ZNF274: variants seen among roughly 807,000 people sequenced by gnomAD.
ZNF274 encodes zinc finger protein 274, also known as neurotrophin receptor-interacting factor homolog.
In ZNF274, 23 loss-of-function variants were observed where a neutral mutation model predicts 42.5. The observed-to-expected ratio is 0.54, with a 90% CI of 0.39 to 0.77. The LOEUF (loss-of-function observed/expected upper bound fraction) is 0.77. Among genes scored for constraint, ZNF274 ranks in the 30% least tolerant of loss-of-function variants. The pLI is 0.00. For synonymous variants in ZNF274, 292 were observed against 305.4 expected (o/e 0.96, Z 0.46); for missense variants, 679 against 806.5 (o/e 0.84, Z 1.91).
intron 2 of ZNF274, chr19:58,184,983 G>C (rs1373446421): frequency 1.3e-5 from 2 of 151,894 alleles, no homozygotes; most frequent in African/African-American, 4.8e-5. Flanking sequence ...AGCCGGGCGT[G>C]GTGGCGGGCG....
intron 3 of ZNF274, 46 bp from the exon 4 acceptor site, chr19:58,186,898 TCTC>T (rs2075706320): frequency 1.3e-6 from 2 of 1,533,552 alleles, no homozygotes; most frequent in Non-Finnish European, 1.8e-6. Context: ...GATAGCATTT[TCTC>T]CTGAACACAG....
Position 58,212,918 on chromosome 19 carries a change from C to G in ZNF274, c.1737C>G (p.Ser579=). ...CCTTCAATGATCGCTCAGCCATCTC[C>G]CAGCACCTGAGGACTCACACTGGCG... ...GRTFNDRSAI[S]QHLRTHTGAK... is the part of the protein sequence containing the mutation. The change falls in exon 8 of 8, where the codon TCC becomes TCG. Residue 579 remains serine (S), a synonymous_variant. Coordinates refer to ENST00000617501, the MANE Select transcript of ZNF274 (RefSeq NM_133502.3). The surrounding 1 kb of genome is among the most constrained non-coding windows in gnomAD (Gnocchi z 4.6). 1 of 1,614,004 alleles carries G rather than the reference C, an allele frequency of 6.2e-7. No individual in the cohort carries two copies.
chr19:58,211,613 G>A lies in ZNF274; in HGVS notation c.906G>A (p.Gly302=). The change falls in exon 7 of 8, where the codon GGG becomes GGA. Residue 302 remains glycine, a synonymous_variant. Transcript: ENST00000617501. The surrounding 1 kb of genome is among the most constrained non-coding windows in gnomAD (Gnocchi z 4.8). ...VAVDFSREEW[G]LLGPTQRTEY... The stretch of plus-strand genomic sequence containing the variant: ...TGGACTTCAGCCGGGAGGAGTGGGG[G>A]CTGCTGGGCCCGACACAGAGGACCG... The A allele has an allele frequency of 6.2e-7, 1 of 1,613,694 alleles. No individual in the cohort carries two copies. The highest frequency in any genetic ancestry group is 2.2e-5 in the East Asian group (1 of 44,834).
Position 58,206,713 on chromosome 19 carries a change from CT to C in ZNF274, c.257-5del. 4.5e-6 allele frequency: 7 copies of C among 1,558,826 alleles called. No individual in the cohort carries two copies. Among genetic ancestry groups the C allele is most frequent in the Non-Finnish European group, 6.1e-6 (7 of 1,151,238 alleles). On this transcript the variant is annotated splice_polypyrimidine_tract_variant and splice_region_variant and intron_variant, in intron 4 of 7. Transcript: ENST00000617501. ...CTCATTTGTCTTGCTCTGCTTTTGACTTACAGAGTATCCTGAGCTCCAGCTG... is the reference window on the plus strand; with the variant it reads ...CTCATTTGTCTTGCTCTGCTTTTGACTACAGAGTATCCTGAGCTCCAGCTG...
Position 58,213,236 on chromosome 19 carries a change from AG to A in ZNF274, c.*96del. On this transcript the variant is annotated 3_prime_UTR_variant, in exon 8 of 8. Coordinates refer to ENST00000617501, the MANE Select transcript of ZNF274 (RefSeq NM_133502.3). ...CTTGTGAATCAGGACTGAATGTGAA[AG>A]GGAAGTATTGAGTGAGGACATTCCC... is the stretch of plus-strand genomic sequence containing the variant. 6.7e-7 allele frequency: 1 copy of A among 1,481,928 alleles called. No homozygotes were observed. Among genetic ancestry groups the A allele is most frequent in the Non-Finnish European group, 9.0e-7 (1 of 1,116,288 alleles). The allele number at this position is 1,481,928 out of a possible 1,614,324, so 91.8% of individuals were successfully genotyped here. A position where few individuals can be genotyped will look rare whatever the true frequency, so the allele number is the denominator to read the frequency against.
rs765267272 is a variant in ZNF274, at chr19:58,206,973, G to A, written c.510G>A (p.Lys170=). The change falls in exon 5 of 8, where the codon AAG becomes AAA. Residue 170 remains lysine (K), a synonymous_variant. Coordinates refer to ENST00000617501, the MANE Select transcript of ZNF274 (RefSeq NM_133502.3). ...ARQRFRQFRY[K]DMTGPREALD... ...AGAGGTTCCGGCAGTTCCGTTATAA[G>A]GACATGACAGGTCCCCGGGAGGCCC... is the stretch of plus-strand genomic sequence containing the variant. The A allele has an allele frequency of 6.2e-7, 1 of 1,609,774 alleles. No individual in the cohort carries two copies. The highest frequency in any genetic ancestry group is 1.6e-4 in the Middle Eastern group (1 of 6,080).
chr19:58,194,874 G>A (rs1444429029), intron 4 of ZNF274, among the ~76,000 whole-genome samples: 7 of 151,972 alleles, frequency 4.6e-5, no homozygotes, highest in African/African-American at 4.8e-5. Flanking sequence ...GGTGGCGGGC[G>A]CCAGTAGTCC....
chr19:58,188,659 T>TGA, intron 4 of ZNF274, among the ~76,000 whole-genome samples: 1 of 31,774 alleles, frequency 3.1e-5, no homozygotes, highest in South Asian at 7.6e-4. Flanking sequence ...AAAAAATAGA[T>TGA]GTGTGTGTGT....
In ZNF274 at chr19:58,185,857, T is replaced by G; in HGVS notation, c.160+19T>G. 2.2e-6 allele frequency: 3 copies of G among 1,355,086 alleles called. No homozygotes were observed. The highest frequency in any genetic ancestry group is 2.9e-6 in the Non-Finnish European group (3 of 1,042,758). 83.9% of individuals were successfully genotyped at this position (1,355,086 alleles called of 1,614,324 possible). The stretch of plus-strand genomic sequence containing the variant: ...TCAGTGGGTAAGGCTGGCCTCCAGG[T>G]CAAGAAGGATCTGTGCTTTGTAGCA... On this transcript the variant is annotated intron_variant, in intron 3 of 7. Coordinates refer to ENST00000617501, the MANE Select transcript of ZNF274 (RefSeq NM_133502.3).
At chr19:58,197,133 C>G (rs1469282634) in intron 4 of ZNF274, among the ~76,000 whole-genome samples, 2 of 152,168 alleles carry the variant, frequency 1.3e-5, no homozygotes, top group Non-Finnish European at 2.9e-5. Context: ...TAGAGATTAC[C>G]TGAGAACATA....
intron 4 of ZNF274, among the ~76,000 whole-genome samples, chr19:58,196,749 A>G (rs2075847824): frequency 6.6e-6 from 1 of 152,196 alleles, no homozygotes; most frequent in South Asian, 2.1e-4. Context: ...CTTTTATCCA[A>G]GAATAAGATG....
intron 4 of ZNF274, among the ~76,000 whole-genome samples, chr19:58,204,311 G>T (rs550230985): frequency 2.6e-5 from 4 of 152,102 alleles, no homozygotes; most frequent in Non-Finnish European, 5.9e-5. Flanking sequence ...TGTAGGCCCC[G>T]CGGGTGTCGT....
chr19:58,207,165 C>G lies in ZNF274; in HGVS notation c.702C>G (p.Ala234=). The G allele has an allele frequency of 6.2e-7, 1 of 1,612,898 alleles. No individual in the cohort carries two copies. The highest frequency in any genetic ancestry group is 8.5e-7 in the Non-Finnish European group (1 of 1,179,488). ...QHPENCQEVV[A]LVEGVTWMSE... is the part of the protein sequence containing the mutation. ...CAGAGAACTGCCAAGAGGTGGTGGC[C>G]CTGGTAGAGGGTGTGACCTGGATGT... The change falls in exon 5 of 8, where the codon GCC becomes GCG. Residue 234 remains alanine (A), a synonymous_variant. Coordinates refer to ENST00000617501, the MANE Select transcript of ZNF274 (RefSeq NM_133502.3). The surrounding 1 kb of genome is among the most constrained non-coding windows in gnomAD (Gnocchi z 5.6).
Position 58,211,235 on chromosome 19 carries a change from A to G in ZNF274, c.853-325A>G, listed in dbSNP as rs984029019. 1 of 215,674 alleles carries G rather than the reference A, an allele frequency of 4.6e-6. No individual in the cohort carries two copies. Among genetic ancestry groups the G allele is most frequent in the African/African-American group, 2.3e-5 (1 of 43,922 alleles). The allele number at this position is 215,674 out of a possible 1,614,324, so 13.4% of individuals were successfully genotyped here. On this transcript the variant is annotated intron_variant, in intron 6 of 7. Coordinates refer to ENST00000617501, the MANE Select transcript of ZNF274 (RefSeq NM_133502.3). This position sits in a 1 kb window ranked among gnomAD's most constrained non-coding sequence, Gnocchi z 4.8. ...TTCCACCAAGTGGGAAGACAGTATT[A>G]ATAGATGGAGAACCCTCTGCAGTGG...
At chr19:58,184,027 G>A in intron 2 of ZNF274, 29 bp downstream of exon 2, 1 of 1,580,522 alleles carries the variant, frequency 6.3e-7, no homozygotes, top group South Asian at 1.2e-5. Flanking sequence ...CAGCTTTTGA[G>A]TCCGCTACTG....
intron 4 of ZNF274, among the ~76,000 whole-genome samples, chr19:58,190,574 A>C (rs986634042): frequency 1.2e-4 from 18 of 152,348 alleles, no homozygotes; most frequent in Middle Eastern, 3.4e-3. Flanking sequence ...CTTCTAGAGC[A>C]TACTAAAGTG....
intron 4 of ZNF274, among the ~76,000 whole-genome samples, chr19:58,204,313 G>C (rs897012399): frequency 6.6e-6 from 1 of 152,116 alleles, no homozygotes; most frequent in Non-Finnish European, 1.5e-5. Flanking sequence ...TAGGCCCCGC[G>C]GGTGTCGTAG....
chr19:58,208,996 T>G lies in ZNF274; in HGVS notation c.740-965T>G, dbSNP rs2076008914. The stretch of plus-strand genomic sequence containing the variant: ...CAGTGTGTTAGTTGGGACGCTTGAG[T>G]GTGACTGCTGCAAAGCCTTGCACAG... On this transcript the variant is annotated intron_variant, in intron 5 of 7. Coordinates refer to ENST00000617501, the MANE Select transcript of ZNF274 (RefSeq NM_133502.3). This position sits in a 1 kb window ranked among gnomAD's most constrained non-coding sequence, Gnocchi z 4.5. The G allele has an allele frequency of 6.6e-6, 1 of 152,212 alleles. No individual in the cohort carries two copies. The highest frequency in any genetic ancestry group is 1.5e-5 in the Non-Finnish European group (1 of 68,054). The allele number at this position is 152,212 out of a possible 1,614,324, so 9.4% of individuals were successfully genotyped here. A position where few individuals can be genotyped will look rare whatever the true frequency, so the allele number is the denominator to read the frequency against.
chr19:58,209,760 G>A, intron 5 of ZNF274: 1 of 509,196 alleles, frequency 2.0e-6, no homozygotes, highest in Non-Finnish European at 3.6e-6. Context: ...AGCCATCCCG[G>A]GCCCATCCAG....
Sources: gnomAD v4.1 joint callset for allele counts (sites outside exome capture counted in the v4.1 genomes callset) on GRCh38, gnomAD v4.1.1 for gene constraint, Gnocchi (gnomAD v3.1) non-coding constraint, MANE v1.5 for transcripts, NCBI Gene and HGNC (gene_info 2026-07-23, HGNC 2026-07-21) for gene names.